FLI1: variants seen among roughly 807,000 people sequenced by gnomAD.
The protein encoded by FLI1 is Friend leukemia integration 1 transcription factor.
In FLI1, 13 loss-of-function variants were observed where a neutral mutation model predicts 53.1. The ratio of observed to expected loss-of-function variants is 0.24; its 90% CI spans 0.16 to 0.39. FLI1 has a LOEUF of 0.39. FLI1 is among the 10% of genes least tolerant of loss of function. The pLI, the probability that FLI1 is intolerant of heterozygous loss-of-function variation, is 1.00. For missense variants in FLI1, 424 were observed against 600.5 expected, an observed-to-expected ratio of 0.71 and a Z score of 3.07; for synonymous variants, 244 against 236.7, an observed-to-expected ratio of 1.03 and a Z score of -0.28.
chr11:128,776,106 A>G (rs1941719487), intron 4 of FLI1, among the ~76,000 whole-genome samples: 1 of 152,232 alleles, frequency 6.6e-6, no homozygotes, highest in Non-Finnish European at 1.5e-5. Flanking sequence ...GAGGGGAGCT[A>G]GACTTTTACA....
chr11:128,702,938 T>C (rs1335196085), intron 1 of FLI1, among the ~76,000 whole-genome samples: 1 of 150,894 alleles, frequency 6.6e-6, no homozygotes, highest in Non-Finnish European at 1.5e-5. Flanking sequence ...GAAAGAATAT[T>C]TATCATACAT....
At position 128,775,772 on chromosome 11, in the gene FLI1, T is replaced by G. The variant is rs982168862; in HGVS notation, c.589+2787T>G. On this transcript the variant is annotated intron_variant, in intron 4 of 8. Transcript: ENST00000527786. ...GGGAGAGGGTGCTGATTCTTTGTGC[T>G]TTATCATCTTGTCCTTTCATTGGAG... Among the ~76,000 whole-genome samples the G allele has an allele frequency of 5.9e-5, 9 of 152,246 alleles. No homozygotes were observed. In the East Asian group the frequency reaches 1.7e-3, roughly 29 times the overall value.
chr11:128,698,175 G>A (rs775079202), intron 1 of FLI1, among the ~76,000 whole-genome samples: 9 of 152,238 alleles, frequency 5.9e-5, no homozygotes, highest in South Asian at 4.1e-4. Context: ...TCTGGACAAG[G>A]TTTGGAAGAA....
intron 5 of FLI1, among the ~76,000 whole-genome samples, chr11:128,797,598 T>G (rs911824863): frequency 6.6e-6 from 1 of 152,258 alleles, no homozygotes; most frequent in African/African-American, 2.4e-5. Context: ...CTACTTGTCT[T>G]GAATGTCAGC....
chr11:128,710,719 T>C (rs935196025), intron 1 of FLI1, among the ~76,000 whole-genome samples: 2 of 152,246 alleles, frequency 1.3e-5, no homozygotes, highest in Non-Finnish European at 2.9e-5. Context: ...GGTTTGGACA[T>C]ACTCATTGTC....
intron 1 of FLI1, among the ~76,000 whole-genome samples, chr11:128,719,573 G>A (rs781268784): frequency 2.2e-4 from 33 of 152,128 alleles, no homozygotes; most frequent in Non-Finnish European, 3.7e-4. Flanking sequence ...TCTAAGGACT[G>A]GCACGATCTC....
chr11:128,686,440 C>G (rs1565447000), upstream of FLI1: 3 of 456,260 alleles, frequency 6.6e-6, no homozygotes, highest in Non-Finnish European at 8.8e-6. Flanking sequence ...GCCTGAAGCC[C>G]GGGGACGGGA....
rs781476908 is a variant in FLI1 at position 128,768,086 on chromosome 11, C to A, written c.231-32C>A. The A allele has an allele frequency of 3.8e-6, 6 of 1,573,926 alleles. No individual in the cohort carries two copies. The South Asian group carries it at 6.9e-5, about 18-fold the overall frequency. On this transcript the variant is annotated intron_variant, in intron 2 of 8. Coordinates refer to ENST00000527786, the MANE Select transcript of FLI1 (RefSeq NM_002017.5). ...AGGCAAGCTGCCCTGTCAGTGCTGA[C>A]CGCCTCTGGGCTTTGTCTCTTCTCA...
intron 1 of FLI1, among the ~76,000 whole-genome samples, chr11:128,757,093 T>TTTCTTTCA: frequency 7.4e-6 from 1 of 135,798 alleles, no homozygotes; most frequent in Non-Finnish European, 1.6e-5. Context: ...TCTTTCTTTC[T>TTTCTTTCA]TTCTTTCTTT....
rs199654767 is a variant in FLI1 at position 128,809,228 on chromosome 11, C to A, written c.829+24C>A. ...TGGTGAGTTTACCTTGGCCTGCAAG[C>A]CTTTTTTGCCAGAATGTTTCGTAGC... On this transcript the variant is annotated intron_variant, in intron 8 of 8. Coordinates refer to ENST00000527786, the MANE Select transcript of FLI1 (RefSeq NM_002017.5). 3.2e-4 allele frequency: 508 copies of A among 1,608,938 alleles called. 1 individual carries two copies. Among genetic ancestry groups the A allele is most frequent in the Non-Finnish European group, 4.1e-4 (485 of 1,175,294 alleles).
intron 5 of FLI1, chr11:128,804,301 G>A (rs762727674): frequency 6.6e-6 from 1 of 152,226 alleles, no homozygotes; most frequent in Non-Finnish European, 1.5e-5. Context: ...TGCTCCATTT[G>A]TTCGGATGGT....
chr11:128,807,178 A>T lies in FLI1; in HGVS notation c.722-2A>T. The T allele has an allele frequency of 6.3e-7, 1 of 1,586,384 alleles. No individual in the cohort carries two copies. The highest frequency in any genetic ancestry group is 8.6e-7 in the Non-Finnish European group (1 of 1,165,952). On this transcript the variant is annotated splice_acceptor_variant, in intron 6 of 8. Coordinates refer to ENST00000527786, the MANE Select transcript of FLI1 (RefSeq NM_002017.5). LOFTEE classifies it high-confidence loss of function. Reference sequence around the variant, plus strand: ...ACTGCATTTCTTTCCCTCTTGCCACAGGTCCTCCCCTTGGAGGGGCACAAA... The same window carrying T: ...ACTGCATTTCTTTCCCTCTTGCCACTGGTCCTCCCCTTGGAGGGGCACAAA...
exon 1 of FLI1, chr11:128,686,677 C>A (rs79811806): frequency 6.0e-5 from 21 of 351,218 alleles, no homozygotes; most frequent in Non-Finnish European, 1.0e-4. Context: ...TTCAGACAGT[C>A]CCCGACACGT....
In FLI1 at chr11:128,811,335, GT is replaced by G. The variant is rs1485014358; in HGVS notation, c.*350del. ...TCTTTATGTTTTTATGACCAAAGCAGTTTCTTGTCAATACACGGGGTTCAGT... is the reference window on the plus strand; with the variant it reads ...TCTTTATGTTTTTATGACCAAAGCAGTTCTTGTCAATACACGGGGTTCAGT... On this transcript the variant is annotated 3_prime_UTR_variant, in exon 9 of 9. Transcript: ENST00000527786. 1.1e-5 allele frequency: 4 copies of G among 377,420 alleles called. No individual in the cohort carries two copies. Among genetic ancestry groups the G allele is most frequent in the Non-Finnish European group, 1.9e-5 (4 of 206,944 alleles). 23.4% of individuals were successfully genotyped at this position (377,420 alleles called of 1,614,324 possible). A position where few individuals can be genotyped will look rare whatever the true frequency, so the allele number is the denominator to read the frequency against.
chr11:128,723,284 G>C (rs1226111039), intron 1 of FLI1, among the ~76,000 whole-genome samples: 1 of 152,178 alleles, frequency 6.6e-6, no homozygotes, highest in Admixed American at 6.5e-5. Context: ...GGCTCAGGCA[G>C]TGTAGGCGGG....
intron 5 of FLI1, among the ~76,000 whole-genome samples, chr11:128,798,676 G>A (rs946893834): frequency 6.6e-6 from 1 of 152,178 alleles, no homozygotes; most frequent in Non-Finnish European, 1.5e-5. Context: ...TTTGGGGAAA[G>A]CGTTCCCTGG....
chr11:128,708,223 C>A (rs912363403), intron 1 of FLI1, among the ~76,000 whole-genome samples: 10 of 152,314 alleles, frequency 6.6e-5, no homozygotes, highest in African/African-American at 2.2e-4. Context: ...ACACAAGAAT[C>A]CTTCTTACTG....
At chr11:128,800,490 A>G (rs1328072598) in intron 5 of FLI1, among the ~76,000 whole-genome samples, 4 of 152,192 alleles carry the variant, frequency 2.6e-5, no homozygotes, top group Non-Finnish European at 5.9e-5. Context: ...TCAGAGCAGA[A>G]GCAAATATCT....
At position 128,768,133 on chromosome 11, in the gene FLI1, C is replaced by T. The variant is rs1247235445; in HGVS notation, c.246C>T (p.Asp82=). The change falls in exon 3 of 9, where the codon GAC becomes GAT. Residue 82 remains aspartate, a synonymous_variant. Coordinates refer to ENST00000527786, the MANE Select transcript of FLI1 (RefSeq NM_002017.5). The part of the protein sequence containing the change: ...HMNGSRESPV[D]CSVSKCSKLV... ...CTCACTTTAGGGAGTCTCCGGTGGA[C>T]TGCAGCGTTAGCAAATGCAGCAAGC... 5 of 1,613,120 alleles carry T rather than the reference C, an allele frequency of 3.1e-6. No individual in the cohort carries two copies. Among genetic ancestry groups the T allele is most frequent in the Non-Finnish European group, 4.2e-6 (5 of 1,179,446 alleles).
Sources: gnomAD v4.1 joint callset for allele counts (sites outside exome capture counted in the v4.1 genomes callset) on GRCh38, gnomAD v4.1.1 for gene constraint, MANE v1.5 for transcripts, NCBI Gene and HGNC (gene_info 2026-07-23, HGNC 2026-07-21) for gene names.